MPP7: variants seen among roughly 807,000 people sequenced by gnomAD.
MPP7 encodes MAGUK p55 subfamily member 7.
A neutral mutation model predicts 76.5 loss-of-function variants in MPP7; 60 were observed. The observed-to-expected ratio is 0.78, with a 90% CI of 0.64 to 0.97. The LOEUF is 0.97. Ranked by LOEUF, MPP7 falls within the 50% of genes least tolerant of loss-of-function variation. The pLI is 0.00. For missense variants in MPP7, 641 were observed against 694.0 expected (o/e 0.92, Z 0.86); for synonymous variants, 237 against 244.5 (o/e 0.97, Z 0.29).
intron 12 of MPP7, among the ~76,000 whole-genome samples, chr10:28,077,653 G>A (rs753412131): frequency 6.6e-6 from 1 of 152,180 alleles, no homozygotes; most frequent in African/African-American, 2.4e-5. Context: ...TGCAAACTGA[G>A]TTAGGTTTAT....
intron 2 of MPP7, among the ~76,000 whole-genome samples, chr10:28,314,353 C>G (rs919195196): frequency 9.9e-5 from 15 of 152,178 alleles, no homozygotes; most frequent in African/African-American, 3.4e-4. Flanking sequence ...CTGTCCATCT[C>G]CAGTGTAACA....
chr10:28,190,502 T>A (rs1837379218), intron 3 of MPP7, among the ~76,000 whole-genome samples: 1 of 152,074 alleles, frequency 6.6e-6, no homozygotes, highest in Admixed American at 6.6e-5. Flanking sequence ...GGAATTAAAC[T>A]AGAAATCAGT....
At chr10:28,109,782 G>A (rs775471962) in intron 11 of MPP7, among the ~76,000 whole-genome samples, 1 of 119,076 alleles carries the variant, frequency 8.4e-6, no homozygotes. Context: ...TCTGGATGGA[G>A]TGTAAAAGCA....
At chr10:28,163,868 G>A (rs538600582) in intron 3 of MPP7, among the ~76,000 whole-genome samples, 242 of 144,012 alleles carry the variant, frequency 1.7e-3, no homozygotes, top group African/African-American at 5.9e-3. Flanking sequence ...CCGAGGCCGC[G>A]CCACTGCACT....
chr10:28,134,298 G>C (rs928362033), intron 5 of MPP7, among the ~76,000 whole-genome samples: 2 of 151,946 alleles, frequency 1.3e-5, no homozygotes, highest in Non-Finnish European at 2.9e-5. Context: ...TGTTTATTGG[G>C]CATGTGTGTC....
chr10:28,250,597 G>A (rs898199000), intron 1 of MPP7, among the ~76,000 whole-genome samples: 7 of 152,042 alleles, frequency 4.6e-5, no homozygotes, highest in Admixed American at 6.5e-5. Flanking sequence ...CTAAATAAAC[G>A]AGCTGATGAT....
intron 3 of MPP7, among the ~76,000 whole-genome samples, chr10:28,167,727 G>T (rs1234933523): frequency 6.6e-6 from 1 of 152,178 alleles, no homozygotes; most frequent in African/African-American, 2.4e-5. Context: ...GAGAAGAATT[G>T]CTGGGTCACA....
At chr10:28,306,715 T>C (rs1004200980), upstream of MPP7, among the ~76,000 whole-genome samples, 2 of 148,650 alleles carry the variant, frequency 1.3e-5, no homozygotes, top group African/African-American at 5.0e-5. Context: ...GATAGATAGA[T>C]GATAGATAAT....
chr10:28,315,438 G>A lies in MPP7; in HGVS notation c.-132+14491C>T, dbSNP rs571475238. On this transcript the variant is annotated intron_variant, in intron 2 of 11. Transcript: ENST00000441595. The stretch of plus-strand genomic sequence containing the variant: ...TGGCAGTGTTTACCTGAAGCAGAGC[G>A]TTGTGCCCCCTTTTCGAGCTGGCAT... 7.2e-5 allele frequency among the ~76,000 whole-genome samples: 11 copies of A among 152,180 alleles called. No homozygotes were observed. The South Asian group carries it at 1.2e-3, about 17-fold the overall frequency.
intron 2 of MPP7, among the ~76,000 whole-genome samples, chr10:28,312,080 A>G (rs1052022637): frequency 3.3e-5 from 5 of 152,168 alleles, no homozygotes; most frequent in Admixed American, 6.5e-5. Flanking sequence ...GGACACAAAG[A>G]GTGAGCAGCA....
At chr10:28,082,971 C>G (rs1009419518) in intron 12 of MPP7, among the ~76,000 whole-genome samples, 24 of 152,244 alleles carry the variant, frequency 1.6e-4, no homozygotes, top group African/African-American at 5.8e-4. Flanking sequence ...TTTGTTTAAC[C>G]CTCAAAACAA....
intron 3 of MPP7, among the ~76,000 whole-genome samples, chr10:28,188,230 G>A (rs1027120723): frequency 2.6e-5 from 4 of 151,986 alleles, no homozygotes; most frequent in Non-Finnish European, 5.9e-5. Flanking sequence ...ATATGCCCGC[G>A]ACTTCATAGG....
In MPP7 at chr10:28,054,033, T is replaced by C. The variant is rs750401476; in HGVS notation, c.*32A>G. 4.5e-6 allele frequency: 7 copies of C among 1,559,860 alleles called. No homozygotes were observed. The highest frequency in any genetic ancestry group is 2.2e-5 in the East Asian group (1 of 44,592). On this transcript the variant is annotated 3_prime_UTR_variant, in exon 17 of 17. Transcript: ENST00000683449. ...GTAATTGATTTCATCATGCACTCTA[T>C]AGAAAAAGACAATTATGGAAATTTC... is the stretch of plus-strand genomic sequence containing the variant.
chr10:28,144,303 C>G (rs1328036518), intron 5 of MPP7, among the ~76,000 whole-genome samples: 1 of 151,368 alleles, frequency 6.6e-6, no homozygotes, highest in African/African-American at 2.5e-5. Flanking sequence ...GCTTCAGATC[C>G]TTTCAATGGC....
chr10:28,293,615 T>C (rs1201789789), intron 1 of MPP7, among the ~76,000 whole-genome samples: 1 of 152,172 alleles, frequency 6.6e-6, no homozygotes, highest in Non-Finnish European at 1.5e-5. Context: ...GGACCAATCA[T>C]GACAGTGTGC....
chr10:28,152,587 C>T (rs1162118388), intron 3 of MPP7, among the ~76,000 whole-genome samples: 1 of 152,200 alleles, frequency 6.6e-6, no homozygotes, highest in Non-Finnish European at 1.5e-5. Context: ...TAGCCACTGG[C>T]CACGTGTGGC....
chr10:28,313,191 A>C (rs1315438303), intron 2 of MPP7, among the ~76,000 whole-genome samples: 2 of 152,200 alleles, frequency 1.3e-5, no homozygotes, highest in African/African-American at 4.8e-5. Flanking sequence ...GATACATATG[A>C]GTGCAAATTC....
intron 3 of MPP7, among the ~76,000 whole-genome samples, chr10:28,197,623 T>C (rs1044209794): frequency 3.3e-5 from 5 of 152,176 alleles, no homozygotes; most frequent in African/African-American, 1.2e-4. Flanking sequence ...TATCTTAGAA[T>C]ACTGTAATCA....
intron 1 of MPP7, among the ~76,000 whole-genome samples, chr10:28,300,527 T>C (rs1176029193): frequency 6.6e-6 from 1 of 152,134 alleles, no homozygotes; most frequent in East Asian, 1.9e-4. Flanking sequence ...CATAAATAAG[T>C]AAATAAATGC....
Sources: allele counts gnomAD v4.1 joint callset (sites outside exome capture counted in the v4.1 genomes callset), GRCh38; gene constraint gnomAD v4.1.1; transcripts MANE v1.5; gene names NCBI Gene and HGNC (gene_info 2026-07-23, HGNC 2026-07-21).